CMIP: variants seen among roughly 807,000 people sequenced by gnomAD.
CMIP encodes the protein c-Maf inducing protein.
Under a neutral mutation model 97.3 loss-of-function variants are expected in CMIP, and 13 were observed. The ratio of observed to expected loss-of-function variants is 0.13; its 90% CI spans 0.09 to 0.21. CMIP has a LOEUF of 0.21. CMIP is among the 10% of genes least tolerant of loss of function. The probability of loss-of-function intolerance (pLI) is 1.00; values close to 1 mark genes in which losing one functional copy is unlikely to be tolerated. For missense variants in CMIP, 847 were observed against 1,024.9 expected (o/e 0.83, Z 2.37); for synonymous variants, 538 against 436.3 (o/e 1.23, Z -2.91).
chr16:81,522,119 G>A (rs1292424762), intron 1 of CMIP, among the ~76,000 whole-genome samples: 2 of 152,184 alleles, frequency 1.3e-5, no homozygotes. Context: ...CTAAGACAAG[G>A]GAAATGTCAG....
intron 1 of CMIP, among the ~76,000 whole-genome samples, chr16:81,578,893 T>G (rs2091248088): frequency 6.6e-6 from 1 of 152,220 alleles, no homozygotes; most frequent in Admixed American, 6.5e-5. Flanking sequence ...GGTCCAAGGT[T>G]GTGCCATCTG....
At chr16:81,632,669 C>T (rs1305672983) in intron 3 of CMIP, among the ~76,000 whole-genome samples, 1 of 152,198 alleles carries the variant, frequency 6.6e-6, no homozygotes, top group Non-Finnish European at 1.5e-5. Flanking sequence ...GCCTCGCAGC[C>T]CCCCAACACG....
chr16:81,683,434 C>T (rs1318228520), intron 10 of CMIP, among the ~76,000 whole-genome samples: 1 of 152,178 alleles, frequency 6.6e-6, no homozygotes, highest in Admixed American at 6.5e-5. Flanking sequence ...GGCCAGGGGA[C>T]ATCCTGTATT....
At chr16:81,648,555 G>A (rs1395014633) in intron 3 of CMIP, among the ~76,000 whole-genome samples, 20 of 151,926 alleles carry the variant, frequency 1.3e-4, no homozygotes, top group Admixed American at 1.1e-3. Flanking sequence ...AGGCCGAGGC[G>A]GGTGGATCAC....
chr16:81,648,191 A>G (rs75485059), intron 3 of CMIP, among the ~76,000 whole-genome samples: 14,199 of 151,208 alleles, frequency 0.094, 806 homozygotes, highest in South Asian at 0.2. Flanking sequence ...TCACCCGACC[A>G]TCGTGGCCCT....
At chr16:81,609,094 C>T (rs2091788781) in intron 2 of CMIP, among the ~76,000 whole-genome samples, 1 of 152,180 alleles carries the variant, frequency 6.6e-6, no homozygotes, top group African/African-American at 2.4e-5. Flanking sequence ...CACGCCTGCC[C>T]CAGTCTGCTT....
chr16:81,648,055 C>A (rs1367801616), intron 3 of CMIP, among the ~76,000 whole-genome samples: 1 of 147,288 alleles, frequency 6.8e-6, no homozygotes, highest in Non-Finnish European at 1.5e-5. Flanking sequence ...CTGCTGCTTC[C>A]ACCGCCTTCT....
chr16:81,590,823 T>TCATCCATCCATCCATC (rs79228744), intron 1 of CMIP, among the ~76,000 whole-genome samples: 11 of 150,530 alleles, frequency 7.3e-5, no homozygotes, highest in East Asian at 3.9e-4. Flanking sequence ...TCACTTTCTC[T>TCATCCATCCATCCATC]CATCCATCCA....
rs1387279093 is a variant in CMIP, at chr16:81,590,022, C to T, written c.301-17545C>T. Among the ~76,000 whole-genome samples the T allele has an allele frequency of 4.0e-5, 6 of 151,632 alleles. No individual in the cohort carries two copies. In the East Asian group the frequency reaches 1.2e-3, roughly 29 times the overall value. ...AGCAGGTGTCCGGAGGCTGGAGGCC[C>T]AGGGATTGACTGCAGGGGCTGCCCT... is the stretch of plus-strand genomic sequence containing the variant. On this transcript the variant is annotated intron_variant, in intron 1 of 20. Transcript: ENST00000537098.
At chr16:81,513,070 T>C (rs1360154376) in intron 1 of CMIP, among the ~76,000 whole-genome samples, 1 of 152,244 alleles carries the variant, frequency 6.6e-6, no homozygotes, top group Non-Finnish European at 1.5e-5. Flanking sequence ...GCAGTTACTA[T>C]TCTTTTGGAT....
chr16:81,465,531 G>A (rs1907151709), intron 1 of CMIP, among the ~76,000 whole-genome samples: 1 of 152,224 alleles, frequency 6.6e-6, no homozygotes, highest in East Asian at 1.9e-4. Context: ...ACTGTCCCAA[G>A]AAGGCTGCCT....
At chr16:81,586,136 T>A (rs907583239) in intron 1 of CMIP, among the ~76,000 whole-genome samples, 1 of 150,244 alleles carries the variant, frequency 6.7e-6, no homozygotes, top group Non-Finnish European at 1.5e-5. Context: ...TGGGGGTGGG[T>A]CTAAACAGCT....
rs1032543920 is a variant in CMIP, at chr16:81,488,524, T to G, written c.300+42983T>G. Among the ~76,000 whole-genome samples, 5 of 152,290 alleles carry G rather than the reference T, an allele frequency of 3.3e-5. No homozygotes were observed. In the South Asian group the frequency reaches 8.3e-4, roughly 25 times the overall value. On this transcript the variant is annotated intron_variant, in intron 1 of 20. Coordinates refer to ENST00000537098, the MANE Select transcript of CMIP (RefSeq NM_198390.3). ...CACCTGCAGGTTTTGATTGTTGGCC[T>G]CCTCTGTGTCTGGTTCTCCCCGAAA... is the stretch of plus-strand genomic sequence containing the variant.
chr16:81,492,241 C>T (rs1226847695), intron 1 of CMIP, among the ~76,000 whole-genome samples: 6 of 152,266 alleles, frequency 3.9e-5, no homozygotes, highest in South Asian at 2.1e-4. Flanking sequence ...AGGGTGCAAG[C>T]GTCCTTATTT....
intron 3 of CMIP, among the ~76,000 whole-genome samples, chr16:81,633,961 A>G (rs2092200375): frequency 6.6e-6 from 1 of 152,228 alleles, no homozygotes; most frequent in African/African-American, 2.4e-5. Flanking sequence ...CTTCCATCCA[A>G]GAGGGTCCTT....
intron 1 of CMIP, among the ~76,000 whole-genome samples, chr16:81,473,468 T>C (rs1287761637): frequency 6.6e-6 from 1 of 150,988 alleles, no homozygotes; most frequent in Non-Finnish European, 1.5e-5. Flanking sequence ...TTCCCTTTCT[T>C]CTTCTTTTTA....
At chr16:81,567,744 C>T (rs1319961624) in intron 1 of CMIP, among the ~76,000 whole-genome samples, 1 of 152,236 alleles carries the variant, frequency 6.6e-6, no homozygotes, top group Non-Finnish European at 1.5e-5. Flanking sequence ...GAACTGACCA[C>T]CTTCTAAAGG....
chr16:81,541,866 C>G (rs775635459), intron 1 of CMIP, among the ~76,000 whole-genome samples: 2 of 152,200 alleles, frequency 1.3e-5, no homozygotes, highest in Non-Finnish European at 2.9e-5. Flanking sequence ...AGCCTCATCT[C>G]TACTACAAAA....
chr16:81,498,395 TC>T (rs2089532271), intron 1 of CMIP, among the ~76,000 whole-genome samples: 2 of 152,162 alleles, frequency 1.3e-5, no homozygotes, highest in South Asian at 4.1e-4. Context: ...GCGGCCCTTG[TC>T]CCCCGGCCTT....
Sources: gnomAD v4.1 joint callset for allele counts (sites outside exome capture counted in the v4.1 genomes callset) on GRCh38, gnomAD v4.1.1 for gene constraint, MANE v1.5 for transcripts, NCBI Gene and HGNC (gene_info 2026-07-23, HGNC 2026-07-21) for gene names.